Variants in NOX4 observed in about 807,000 individuals in gnomAD.
NOX4 encodes the protein kidney oxidase-1.
A neutral mutation model predicts 87.6 loss-of-function variants in NOX4; 69 were observed. The observed-to-expected ratio is 0.79, with a 90% CI of 0.65 to 0.96. NOX4 has a LOEUF of 0.96. NOX4 is among the 40% of genes least tolerant of loss of function. NOX4 has a pLI of 0.00. For missense variants in NOX4, 680 were observed against 681.5 expected (o/e 1.00, Z 0.02); for synonymous variants, 275 against 238.2 (o/e 1.15, Z -1.42).
intron 2 of NOX4, among the ~76,000 whole-genome samples, chr11:89,458,340 C>T (rs1234338431): frequency 1.3e-5 from 2 of 151,898 alleles, no homozygotes; most frequent in Non-Finnish European, 2.9e-5. Context: ...AATGTAAAAC[C>T]TAAAACTACA....
At chr11:89,573,904 C>G in the NOX4 span, among the ~76,000 whole-genome samples, 5 of 152,106 alleles carry the variant, frequency 3.3e-5, no homozygotes, top group East Asian at 9.7e-4. Flanking sequence ...CGTGCACTGT[C>G]TTTAGGAAGT....
chr11:89,520,810 A>G, the NOX4 span, among the ~76,000 whole-genome samples: 1 of 152,190 alleles, frequency 6.6e-6, no homozygotes, highest in African/African-American at 2.4e-5. Context: ...GCTATGCCAA[A>G]AGGCTCCTGG....
chr11:89,493,721 T>TTTTTTTTTATTATTA (rs372046431), upstream of NOX4, among the ~76,000 whole-genome samples: 12 of 142,302 alleles, frequency 8.4e-5, no homozygotes, highest in Non-Finnish European at 1.8e-4. Flanking sequence ...GCCAGATTGT[T>TTTTTTTTTATTATTA]TTATTATTAT....
intron 11 of NOX4, among the ~76,000 whole-genome samples, chr11:89,394,017 C>T (rs1336859293): frequency 1.3e-5 from 2 of 152,156 alleles, no homozygotes; most frequent in Non-Finnish European, 1.5e-5. Flanking sequence ...GGCCACAGGG[C>T]TATCACATCT....
At chr11:89,521,128 T>C in the NOX4 span, among the ~76,000 whole-genome samples, 1 of 152,124 alleles carries the variant, frequency 6.6e-6, no homozygotes, top group Non-Finnish European at 1.5e-5. Flanking sequence ...ACAGTTTCAA[T>C]GCTATTCACA....
rs777679863 is a variant in NOX4, at chr11:89,449,537, C to A, written c.265-13G>T. On this transcript the variant is annotated splice_polypyrimidine_tract_variant and intron_variant, in intron 3 of 17. Coordinates refer to ENST00000263317, the MANE Select transcript of NOX4 (RefSeq NM_016931.5). ...TCCTGCTTGGAACCTAAACAAAAAT[C>A]ATTTAATATGGTAAAAATAATGCAA... 14 of 1,590,786 alleles carry A rather than the reference C, an allele frequency of 8.8e-6. No homozygotes were observed. Among genetic ancestry groups the A allele is most frequent in the Non-Finnish European group, 4.3e-6 (5 of 1,160,936 alleles).
At chr11:89,333,140 A>C (rs1002580756) in intron 17 of NOX4, among the ~76,000 whole-genome samples, 1 of 151,842 alleles carries the variant, frequency 6.6e-6, no homozygotes, top group South Asian at 2.1e-4. Context: ...AAGTTATCTA[A>C]ATATAAAGAA....
the NOX4 span, among the ~76,000 whole-genome samples, chr11:89,573,111 T>C: frequency 6.6e-6 from 1 of 152,248 alleles, no homozygotes; most frequent in South Asian, 2.1e-4. Flanking sequence ...AGTATATGCA[T>C]TTTAAAATTT....
intron 2 of NOX4, among the ~76,000 whole-genome samples, chr11:89,455,817 C>G (rs773981974): frequency 6.6e-5 from 10 of 151,520 alleles, no homozygotes; most frequent in Admixed American, 3.9e-4. Context: ...GTAGGCAACT[C>G]TATCCATCAA....
intron 11 of NOX4, among the ~76,000 whole-genome samples, chr11:89,389,540 T>G (rs2135128931): frequency 6.6e-6 from 1 of 152,280 alleles, no homozygotes; most frequent in South Asian, 2.1e-4. Flanking sequence ...TTTATTCAAA[T>G]TTCACCACTT....
At chr11:89,429,025 G>T (rs1943618794) in intron 7 of NOX4, among the ~76,000 whole-genome samples, 1 of 152,178 alleles carries the variant, frequency 6.6e-6, no homozygotes, top group Non-Finnish European at 1.5e-5. Context: ...ACACTACAGT[G>T]CAATCAAACT....
intron 2 of NOX4, among the ~76,000 whole-genome samples, chr11:89,457,322 C>T (rs559545994): frequency 2.2e-4 from 34 of 152,328 alleles, no homozygotes; most frequent in African/African-American, 8.2e-4. Flanking sequence ...TACATGGACG[C>T]TGGCAACTCT....
intron 2 of NOX4, among the ~76,000 whole-genome samples, chr11:89,456,068 G>A (rs1023601922): frequency 1.8e-4 from 27 of 152,000 alleles, no homozygotes; most frequent in Non-Finnish European, 2.6e-4. Context: ...AACTAAAAGA[G>A]TGGAATTACA....
At chr11:89,479,847 G>A (rs1946317996) in intron 2 of NOX4, among the ~76,000 whole-genome samples, 1 of 152,022 alleles carries the variant, frequency 6.6e-6, no homozygotes. Context: ...TCACAAACTT[G>A]CTTTAGGATG....
At chr11:89,451,973 T>A in intron 2 of NOX4, 78 bp from the exon 3 acceptor site, 1 of 905,488 alleles carries the variant, frequency 1.1e-6, no homozygotes, top group Non-Finnish European at 1.8e-6. Context: ...GCTAGAGGTC[T>A]CACCCTATTG....
At chr11:89,426,268 C>A (rs1591201211) in intron 7 of NOX4, among the ~76,000 whole-genome samples, 2 of 152,084 alleles carry the variant, frequency 1.3e-5, no homozygotes. Flanking sequence ...CAAATAGGAA[C>A]AGCTCCAGTC....
chr11:89,380,489 G>A (rs552912172), intron 11 of NOX4, among the ~76,000 whole-genome samples: 32 of 152,194 alleles, frequency 2.1e-4, no homozygotes, highest in Non-Finnish European at 4.0e-4. Context: ...GAGAGAGGGA[G>A]CAGTAGCTAG....
chr11:89,362,602 T>C (rs1236821182), intron 12 of NOX4, among the ~76,000 whole-genome samples: 1 of 152,098 alleles, frequency 6.6e-6, no homozygotes, highest in Non-Finnish European at 1.5e-5. Flanking sequence ...CTAAAAGTAA[T>C]CTATCAATCA....
At chr11:89,577,074 C>G in the NOX4 span, 1 of 152,054 alleles carries the variant, frequency 6.6e-6, no homozygotes, top group African/African-American at 2.4e-5. Context: ...GTCCCAATTT[C>G]TTTTCTTCTG....
Sources: gnomAD v4.1 joint callset for allele counts (sites outside exome capture counted in the v4.1 genomes callset) on GRCh38, gnomAD v4.1.1 for gene constraint, MANE v1.5 for transcripts, NCBI Gene and HGNC (gene_info 2026-07-23, HGNC 2026-07-21) for gene names.